BCKDHB: variants seen among roughly 807,000 people sequenced by gnomAD.
BCKDHB encodes branched chain keto acid dehydrogenase E1 subunit beta, also known as 2-oxoisovalerate dehydrogenase subunit beta, mitochondrial.
In BCKDHB, 41 loss-of-function variants were observed where a neutral mutation model predicts 48.5. The observed-to-expected ratio is 0.85, with a 90% CI of 0.66 to 1.10. The LOEUF is 1.10. BCKDHB is among the 50% of genes least tolerant of loss of function. BCKDHB has a pLI of 0.00. For missense variants in BCKDHB, 496 were observed against 494.2 expected, an observed-to-expected ratio of 1.00 and a Z score of -0.03; for synonymous variants, 201 against 174.8, an observed-to-expected ratio of 1.15 and a Z score of -1.18.
intron 8 of BCKDHB, among the ~76,000 whole-genome samples, chr6:80,209,134 T>G (rs1447062670): frequency 1.3e-5 from 2 of 151,968 alleles, no homozygotes; most frequent in Non-Finnish European, 2.9e-5. Context: ...TAAAATTTCA[T>G]AGCAACCTAG....
intron 8 of BCKDHB, among the ~76,000 whole-genome samples, chr6:80,225,633 A>G (rs1209682866): frequency 6.6e-6 from 1 of 152,194 alleles, no homozygotes; most frequent in East Asian, 1.9e-4. Context: ...TATCTGTGAA[A>G]GATTGCATCC....
intron 8 of BCKDHB, among the ~76,000 whole-genome samples, chr6:80,204,026 A>G (rs1774521427): frequency 6.6e-6 from 1 of 152,126 alleles, no homozygotes. Context: ...CGATTAATAG[A>G]TAGATGTACA....
the BCKDHB span, among the ~76,000 whole-genome samples, chr6:80,395,106 T>C: frequency 2.0e-5 from 3 of 152,166 alleles, no homozygotes; most frequent in African/African-American, 7.2e-5. Context: ...TATTTCTTCA[T>C]AGCAGGGTGA....
At chr6:80,376,559 G>C in the BCKDHB span, among the ~76,000 whole-genome samples, 1 of 152,190 alleles carries the variant, frequency 6.6e-6, no homozygotes, top group Non-Finnish European at 1.5e-5. Flanking sequence ...GTATGTTCTT[G>C]TGGTAGTTCT....
chr6:80,462,316 T>C, the BCKDHB span, among the ~76,000 whole-genome samples: 1 of 152,226 alleles, frequency 6.6e-6, no homozygotes, highest in African/African-American at 2.4e-5. Flanking sequence ...ATATCCCTAA[T>C]GTCTTTCTCA....
chr6:80,276,968 A>G (rs893514464), intron 9 of BCKDHB, among the ~76,000 whole-genome samples: 4 of 152,030 alleles, frequency 2.6e-5, no homozygotes, highest in African/African-American at 7.2e-5. Context: ...GAGGTCTGGT[A>G]TATTTGGCCC....
At chr6:80,303,482 G>A (rs893056922) in intron 9 of BCKDHB, among the ~76,000 whole-genome samples, 1 of 151,886 alleles carries the variant, frequency 6.6e-6, no homozygotes, top group Non-Finnish European at 1.5e-5. Context: ...CAAATGCCTG[G>A]GAACATGCCC....
At chr6:80,211,394 A>T (rs1774926786) in intron 8 of BCKDHB, among the ~76,000 whole-genome samples, 2 of 152,150 alleles carry the variant, frequency 1.3e-5, no homozygotes, top group Admixed American at 1.3e-4. Flanking sequence ...TATGTCCAAA[A>T]TCTGACCACT....
At chr6:80,418,729 G>C in the BCKDHB span, among the ~76,000 whole-genome samples, 3 of 152,172 alleles carry the variant, frequency 2.0e-5, no homozygotes, top group Non-Finnish European at 4.4e-5. Flanking sequence ...TAACCAAAGT[G>C]CTTCATAGTG....
intron 9 of BCKDHB, among the ~76,000 whole-genome samples, chr6:80,333,130 A>G (rs1769405353): frequency 6.6e-6 from 1 of 152,174 alleles, no homozygotes; most frequent in African/African-American, 2.4e-5. Context: ...GTACAATAAT[A>G]GCACTAAGTA....
chr6:80,249,866 A>C (rs1394690687), intron 8 of BCKDHB, among the ~76,000 whole-genome samples: 1 of 152,202 alleles, frequency 6.6e-6, no homozygotes, highest in Non-Finnish European at 1.5e-5. Flanking sequence ...AAAATAACTC[A>C]GATTTTAAAG....
chr6:80,402,302 A>G, the BCKDHB span, among the ~76,000 whole-genome samples: 4 of 151,786 alleles, frequency 2.6e-5, 1 homozygote, highest in South Asian at 8.3e-4. Context: ...TTTTATAATA[A>G]CCAATCTAAT....
chr6:80,322,995 A>G (rs1191355861), intron 9 of BCKDHB, among the ~76,000 whole-genome samples: 3 of 150,968 alleles, frequency 2.0e-5, no homozygotes, highest in African/African-American at 7.3e-5. Flanking sequence ...AAAGTGGAGC[A>G]TAACAGTTAA....
intron 1 of BCKDHB, 79 bp downstream of exon 1, chr6:80,106,968 C>T: frequency 2.6e-6 from 4 of 1,510,276 alleles, no homozygotes; most frequent in African/African-American, 1.4e-5. Flanking sequence ...GGGCAGGGGC[C>T]GGCAGGCTGC....
At chr6:80,323,422 C>T (rs1198091653) in intron 9 of BCKDHB, among the ~76,000 whole-genome samples, 1 of 152,100 alleles carries the variant, frequency 6.6e-6, no homozygotes, top group Admixed American at 6.6e-5. Context: ...TCTTTTAATA[C>T]ATAGATATCG....
At chr6:80,273,963 A>G (rs955681362) in intron 9 of BCKDHB, among the ~76,000 whole-genome samples, 1 of 152,050 alleles carries the variant, frequency 6.6e-6, no homozygotes, top group Non-Finnish European at 1.5e-5. Context: ...TGGAAGGTGC[A>G]TGTCTTTTAA....
chr6:80,287,977 CTTAG>C (rs1346437899), intron 9 of BCKDHB, among the ~76,000 whole-genome samples: 5 of 152,224 alleles, frequency 3.3e-5, no homozygotes, highest in East Asian at 1.9e-4. Flanking sequence ...ATAATTTATT[CTTAG>C]TTAGTGACAA....
intron 9 of BCKDHB, among the ~76,000 whole-genome samples, chr6:80,306,086 T>G (rs986285617): frequency 6.6e-6 from 1 of 152,204 alleles, no homozygotes; most frequent in Admixed American, 6.5e-5. Flanking sequence ...CATGTAAAAC[T>G]GGAACATCAC....
chr6:80,410,123 C>G, the BCKDHB span, among the ~76,000 whole-genome samples: 1 of 152,080 alleles, frequency 6.6e-6, no homozygotes, highest in South Asian at 2.1e-4. Context: ...CCTTCAGGAG[C>G]TCTTGTAAGG....
Sources: gnomAD v4.1 joint callset for allele counts (sites outside exome capture counted in the v4.1 genomes callset) on GRCh38, gnomAD v4.1.1 for gene constraint, MANE v1.5 for transcripts, NCBI Gene and HGNC (gene_info 2026-07-23, HGNC 2026-07-21) for gene names.